CD59: variants seen among roughly 807,000 people sequenced by gnomAD.
The protein encoded by CD59 is CD59 molecule (CD59 blood group), also known as CD59 glycoprotein.
Under a neutral mutation model 7.0 loss-of-function variants are expected in CD59, and 3 were observed. The ratio of observed to expected loss-of-function variants is 0.43; its 90% CI spans 0.19 to 1.10. The LOEUF (loss-of-function observed/expected upper bound fraction) is 1.10. Among genes scored for constraint, CD59 ranks in the 50% least tolerant of loss-of-function variants. CD59 has a pLI of 0.29. For missense variants in CD59, 143 were observed against 151.0 expected, an observed-to-expected ratio of 0.95 and a Z score of 0.28; for synonymous variants, 60 against 62.0, an observed-to-expected ratio of 0.97 and a Z score of 0.15.
At chr11:33,729,420 G>A (rs1854349104) in intron 1 of CD59, among the ~76,000 whole-genome samples, 1 of 151,214 alleles carries the variant, frequency 6.6e-6, no homozygotes, top group South Asian at 2.1e-4. Flanking sequence ...CACAAGAAGA[G>A]AAAACCAAAC....
intron 1 of CD59, among the ~76,000 whole-genome samples, chr11:33,733,791 AG>A (rs1189070484): frequency 1.3e-5 from 2 of 152,226 alleles, no homozygotes; most frequent in Non-Finnish European, 2.9e-5. Context: ...AGTTAAGCTG[AG>A]GTCATTAGAG....
Position 33,722,435 on chromosome 11 carries a change from T to A in CD59, c.11A>T (p.Gln4Leu), listed in dbSNP as rs759648723. 1.2e-6 allele frequency: 2 copies of A among 1,613,916 alleles called. No individual in the cohort carries two copies. Among genetic ancestry groups the A allele is most frequent in the African/African-American group, 2.7e-5 (2 of 74,926 alleles). Reference protein sequence around the residue: MGIQGGSVLFGLLL... With the variant: MGILGGSVLFGLLL... ...CAGCCCGAACAGGACAGACCCTCCT[T>A]GGATTCCCATTGTGATTGTCCACAG... The change falls in exon 2 of 4, where the codon CAA becomes CTA. Residue 4 changes from glutamine to leucine, a missense_variant. Gln to Leu is a moderately radical substitution (Grantham distance 113). Transcript: ENST00000642928.
intron 1 of CD59, among the ~76,000 whole-genome samples, chr11:33,723,299 G>C (rs831628): frequency 0.23 from 34,660 of 152,014 alleles, 4,161 homozygotes; most frequent in South Asian, 0.33. Flanking sequence ...TGGGTTCTTG[G>C]AAGGGTGAGT....
rs1446969368 is a variant in CD59, at chr11:33,707,546, C to CTT, written c.*2579_*2580insAA. 6.6e-5 allele frequency: 10 copies of CTT among 152,436 alleles called. No individual in the cohort carries two copies. Among genetic ancestry groups the CTT allele is most frequent in the Admixed American group, 4.6e-4 (7 of 15,306 alleles). 9.4% of individuals were successfully genotyped at this position (152,436 alleles called of 1,614,324 possible). ...GACAATCCAATGGGCTTATCACCAC[C>CTT]CAATACTGAACACTATGACAGTTCC... On this transcript the variant is annotated 3_prime_UTR_variant, in exon 4 of 4. Coordinates refer to ENST00000642928, the MANE Select transcript of CD59 (RefSeq NM_000611.6).
At position 33,704,496 on chromosome 11, in the gene CD59, A is replaced by G. The variant is rs1590503614; in HGVS notation, c.*5630T>C. ...CTCCAGATAATCGCGCCAGCCTCAC[A>G]CCTGAGAAGCTGCTTCTACGACCTG... On this transcript the variant is annotated 3_prime_UTR_variant, in exon 4 of 4. Transcript: ENST00000642928. 6.6e-6 allele frequency: 1 copy of G among 152,066 alleles called. No individual in the cohort carries two copies. Among genetic ancestry groups the G allele is most frequent in the East Asian group, 1.9e-4 (1 of 5,192 alleles). The allele number at this position is 152,066 out of a possible 1,614,324, so 9.4% of individuals were successfully genotyped here.
At position 33,708,467 on chromosome 11, in the gene CD59, C is replaced by T. The variant is rs948835089; in HGVS notation, c.*1659G>A. The T allele has an allele frequency of 7.1e-6, 1 of 140,172 alleles. No homozygotes were observed. The highest frequency in any genetic ancestry group is 1.6e-5 in the Non-Finnish European group (1 of 64,290). 8.7% of individuals were successfully genotyped at this position (140,172 alleles called of 1,614,324 possible). A position where few individuals can be genotyped will look rare whatever the true frequency, so the allele number is the denominator to read the frequency against. On this transcript the variant is annotated 3_prime_UTR_variant, in exon 4 of 4. Coordinates refer to ENST00000642928, the MANE Select transcript of CD59 (RefSeq NM_000611.6). The stretch of plus-strand genomic sequence containing the variant: ...TGTGGCTGAATTCCCCACCCCCCCG[C>T]CCCCAAAAAAGTTCCCAGAAATTCA...
In CD59 at chr11:33,707,544, A is replaced by ATTGATGATAT. The variant is rs1282215835; in HGVS notation, c.*2581_*2582insATATCATCAA. The ATTGATGATAT allele has an allele frequency of 6.6e-5, 10 of 152,342 alleles. No individual in the cohort carries two copies. The highest frequency in any genetic ancestry group is 4.6e-4 in the Admixed American group (7 of 15,298). The allele number at this position is 152,342 out of a possible 1,614,324, so 9.4% of individuals were successfully genotyped here. On this transcript the variant is annotated 3_prime_UTR_variant, in exon 4 of 4. Coordinates refer to ENST00000642928, the MANE Select transcript of CD59 (RefSeq NM_000611.6). ...GGGACAATCCAATGGGCTTATCACC[A>ATTGATGATAT]CCCAATACTGAACACTATGACAGTT... is the stretch of plus-strand genomic sequence containing the variant.
chr11:33,706,689 G>T lies in CD59; in HGVS notation c.*3437C>A, dbSNP rs1853324647. 1 of 152,136 alleles carries T rather than the reference G, an allele frequency of 6.6e-6. No individual in the cohort carries two copies. Among genetic ancestry groups the T allele is most frequent in the Non-Finnish European group, 1.5e-5 (1 of 68,028 alleles). 9.4% of individuals were successfully genotyped at this position (152,136 alleles called of 1,614,324 possible). A position where few individuals can be genotyped will look rare whatever the true frequency, so the allele number is the denominator to read the frequency against. ...ATGAAATATCTACAAGAAGTAGCAG[G>T]CATTGAGAAACAGATGGGAAGATAG... On this transcript the variant is annotated 3_prime_UTR_variant, in exon 4 of 4. Coordinates refer to ENST00000642928, the MANE Select transcript of CD59 (RefSeq NM_000611.6).
intron 3 of CD59, among the ~76,000 whole-genome samples, chr11:33,716,679 A>G (rs1028771574): frequency 6.6e-6 from 1 of 152,202 alleles, no homozygotes; most frequent in African/African-American, 2.4e-5. Context: ...GTAGTCTAAC[A>G]AATTTGGAAA....
chr11:33,725,975 A>G (rs1854244761), intron 1 of CD59, among the ~76,000 whole-genome samples: 1 of 152,192 alleles, frequency 6.6e-6, no homozygotes, highest in Non-Finnish European at 1.5e-5. Flanking sequence ...CAACAAGAAG[A>G]GCTAACTATC....
intron 2 of CD59, among the ~76,000 whole-genome samples, chr11:33,721,114 T>G (rs572050385): frequency 6.6e-6 from 1 of 151,922 alleles, no homozygotes; most frequent in African/African-American, 2.4e-5. Flanking sequence ...CCAAGAAAAA[T>G]GAATAAATAA....
At chr11:33,720,712 G>T (rs2133554122) in intron 2 of CD59, among the ~76,000 whole-genome samples, 1 of 152,160 alleles carries the variant, frequency 6.6e-6, no homozygotes, top group African/African-American at 2.4e-5. Flanking sequence ...CTGGGCGACA[G>T]AGTGAGACTC....
At chr11:33,731,904 A>G (rs539799193) in intron 1 of CD59, among the ~76,000 whole-genome samples, 160 of 152,354 alleles carry the variant, frequency 1.1e-3, no homozygotes, top group African/African-American at 3.7e-3. Context: ...TGTAACTCCC[A>G]TAATTCCCAC....
At position 33,703,642 on chromosome 11, in the gene CD59, T is replaced by G. The variant is rs1253790160; in HGVS notation, c.*6484A>C. On this transcript the variant is annotated 3_prime_UTR_variant, in exon 4 of 4. Transcript: ENST00000642928. ...TAATCCTGCACCTCTACCTTAAGCT[T>G]ACCCAGCGTGAGGCCAGGTTAGAAA... The G allele has an allele frequency of 3.3e-5, 5 of 152,176 alleles. No individual in the cohort carries two copies. The highest frequency in any genetic ancestry group is 2.0e-4 in the Admixed American group (3 of 15,280). 9.4% of individuals were successfully genotyped at this position (152,176 alleles called of 1,614,324 possible). A position where few individuals can be genotyped will look rare whatever the true frequency, so the allele number is the denominator to read the frequency against.
intron 2 of CD59, chr11:33,717,742 G>A: frequency 2.3e-6 from 1 of 426,162 alleles, no homozygotes; most frequent in Admixed American, 3.5e-5. Flanking sequence ...CAACTGGAAG[G>A]AGATTAGTCT....
At chr11:33,717,644 T>C (rs1256548163) in intron 2 of CD59, 173 bp from the exon 3 acceptor site, 2 of 625,654 alleles carry the variant, frequency 3.2e-6, no homozygotes, top group African/African-American at 1.8e-5. Flanking sequence ...TCCAGCAACA[T>C]TTTTTGGACC....
At chr11:33,710,440 G>A (rs1853493955) in intron 3 of CD59, 97 bp from the exon 4 acceptor site, 1 of 980,660 alleles carries the variant, frequency 1.0e-6, no homozygotes, top group Non-Finnish European at 1.6e-6. Context: ...TCCTGTGCAA[G>A]TAGAGACTTC....
At chr11:33,711,056 G>C (rs936268472) in intron 3 of CD59, among the ~76,000 whole-genome samples, 2 of 150,328 alleles carry the variant, frequency 1.3e-5, no homozygotes, top group Admixed American at 1.3e-4. Flanking sequence ...TAAAGGTGGG[G>C]GGGGGGCAGA....
chr11:33,706,231 C>T lies in CD59; in HGVS notation c.*3895G>A, dbSNP rs1448413511. The T allele has an allele frequency of 6.6e-6, 1 of 152,066 alleles. No homozygotes were observed. Among genetic ancestry groups the T allele is most frequent in the Non-Finnish European group, 1.5e-5 (1 of 68,014 alleles). The allele number at this position is 152,066 out of a possible 1,614,324, so 9.4% of individuals were successfully genotyped here. On this transcript the variant is annotated 3_prime_UTR_variant, in exon 4 of 4. Transcript: ENST00000642928. ...AAATTAAGGTACTGTGGTCATTTAT[C>T]TTATCCCAGAATAACAGGAGTGTGT...
Sources: gnomAD v4.1 joint callset for allele counts (sites outside exome capture counted in the v4.1 genomes callset) on GRCh38, gnomAD v4.1.1 for gene constraint, MANE v1.5 for transcripts, NCBI Gene and HGNC (gene_info 2026-07-23, HGNC 2026-07-21) for gene names.